The following CPNE1 variants were observed in gnomAD, a reference collection of about 807,000 sequenced individuals.
CPNE1 encodes the protein copine 1, also known as copine-1.
CPNE1 carries 58 observed loss-of-function variants against 63.2 expected under a neutral mutation model. The observed-to-expected ratio is 0.92, with a 90% confidence interval of 0.74 to 1.14. The LOEUF is 1.14. Among genes scored for constraint, CPNE1 ranks in the 50% most tolerant of loss-of-function variants. CPNE1 has a pLI of 0.00. For missense variants in CPNE1, 672 were observed against 661.7 expected (o/e 1.02, Z -0.17); for synonymous variants, 237 against 249.0 (o/e 0.95, Z 0.45).
chr20:35,630,888 A>G lies in CPNE1; in HGVS notation c.995+13T>C, dbSNP rs1293044076. 2 of 1,603,436 alleles carry G rather than the reference A, an allele frequency of 1.2e-6. No individual in the cohort carries two copies. Among genetic ancestry groups the G allele is most frequent in the Non-Finnish European group, 1.7e-6 (2 of 1,174,134 alleles). ...GCAGGGAGCGGGTATAGCCCAGAGA[A>G]GCAGGTACTCACGAGTCATAGTCCT... On this transcript the variant is annotated intron_variant, in intron 11 of 15. Transcript: ENST00000397443.
At chr20:35,653,186 T>C in intron 1 of CPNE1, 1 of 1,613,538 alleles carries the variant, frequency 6.2e-7, no homozygotes, top group Non-Finnish European at 8.5e-7. Flanking sequence ...TTGGCTTCCT[T>C]TGATCCTACA....
intron 1 of CPNE1, among the ~76,000 whole-genome samples, chr20:35,657,941 A>G (rs1196040368): frequency 1.3e-5 from 2 of 152,156 alleles, no homozygotes; most frequent in Non-Finnish European, 2.9e-5. Context: ...AGGTGCCTGT[A>G]ATCCCAGCTA....
At position 35,632,936 on chromosome 20, in the gene CPNE1, GA is replaced by G; in HGVS notation, c.1-14del. 1.2e-6 allele frequency: 1 copy of G among 868,606 alleles called. No individual in the cohort carries two copies. 53.8% of individuals were successfully genotyped at this position (868,606 alleles called of 1,614,324 possible). A position where few individuals can be genotyped will look rare whatever the true frequency, so the allele number is the denominator to read the frequency against. On this transcript the variant is annotated splice_polypyrimidine_tract_variant and intron_variant, in intron 1 of 15. Coordinates refer to ENST00000397443, the MANE Select transcript of CPNE1 (RefSeq NM_152925.3). The stretch of plus-strand genomic sequence containing the variant: ...CGCAGTGGGCCATCTGAGGGAAAAG[GA>G]GCTGGGTCAAGCACCAGGGAGCCTT...
Position 35,646,252 on chromosome 20 carries a change from C to CAAA in CPNE1, c.1-13332_1-13330dup, listed in dbSNP as rs549372063. Among the ~76,000 whole-genome samples, 22 of 58,344 alleles carry CAAA rather than the reference C, an allele frequency of 3.8e-4. 1 individual carries two copies. Among genetic ancestry groups the CAAA allele is most frequent in the Admixed American group, 6.8e-4 (3 of 4,396 alleles). The allele number at this position is 58,344 out of a possible 152,430, so 38.3% of individuals were successfully genotyped here. On this transcript the variant is annotated intron_variant, in intron 1 of 15. Coordinates refer to ENST00000397443, the MANE Select transcript of CPNE1 (RefSeq NM_152925.3). ...CCTGGGCAGCAGAGCAAGACCATCT[C>CAAA]AAAAAAAAAAAAAAAAAAAAAAAAA...
intron 1 of CPNE1, among the ~76,000 whole-genome samples, chr20:35,663,652 C>A (rs967509229): frequency 6.6e-6 from 1 of 152,166 alleles, no homozygotes; most frequent in East Asian, 1.9e-4. Context: ...CATGACACCA[C>A]GCAGATGAGT....
chr20:35,647,196 C>T (rs1163400401), intron 1 of CPNE1: 1 of 151,826 alleles, frequency 6.6e-6, no homozygotes, highest in Non-Finnish European at 1.5e-5. Flanking sequence ...TGCCCATAAT[C>T]CCAGCTACTC....
At chr20:35,636,416 A>G (rs1302063521) in intron 1 of CPNE1, among the ~76,000 whole-genome samples, 1 of 152,246 alleles carries the variant, frequency 6.6e-6, no homozygotes, top group Non-Finnish European at 1.5e-5. Flanking sequence ...TTAAAGGTCT[A>G]TCAACTAAAT....
At chr20:35,636,953 A>G (rs759466895) in intron 1 of CPNE1, among the ~76,000 whole-genome samples, 1 of 152,234 alleles carries the variant, frequency 6.6e-6, no homozygotes, top group Non-Finnish European at 1.5e-5. Flanking sequence ...GGAGTGGAAG[A>G]TAAGAATTTT....
chr20:35,649,868 T>C (rs371378890), intron 1 of CPNE1: 8 of 152,216 alleles, frequency 5.3e-5, no homozygotes, highest in African/African-American at 1.7e-4. Flanking sequence ...ACACATAAAA[T>C]TGAAAATATC....
chr20:35,654,291 C>A, intron 1 of CPNE1: 1 of 1,614,142 alleles, frequency 6.2e-7, no homozygotes, highest in Non-Finnish European at 8.5e-7. Flanking sequence ...CCAATCCATT[C>A]CCATTATTTC....
At chr20:35,629,803 C>T (rs993212039) in intron 13 of CPNE1, among the ~76,000 whole-genome samples, 5 of 151,980 alleles carry the variant, frequency 3.3e-5, no homozygotes, top group African/African-American at 9.7e-5. Flanking sequence ...GAACTACAGG[C>T]GCCTGCCATC....
intron 1 of CPNE1, chr20:35,651,341 A>C (rs2033500313): frequency 6.6e-6 from 1 of 152,064 alleles, no homozygotes; most frequent in African/African-American, 2.4e-5. Flanking sequence ...CAAGAATCTC[A>C]ATTTTCTCCT....
In CPNE1 at chr20:35,639,497, C is replaced by T. The variant is rs575762631; in HGVS notation, c.1-6574G>A. 5.9e-5 allele frequency among the ~76,000 whole-genome samples: 9 copies of T among 152,188 alleles called. No individual in the cohort carries two copies. In the East Asian group the frequency reaches 1.2e-3, roughly 20 times the overall value. On this transcript the variant is annotated intron_variant, in intron 1 of 15. Transcript: ENST00000397443. ...GATTACAGGCACCTGCCATCATGCC[C>T]GGCTAATTTTCATATTTTTGTAGAG... is the stretch of plus-strand genomic sequence containing the variant.
In CPNE1 at chr20:35,653,310, GCCTGCACCGGGAAGT is replaced by G. The variant is rs1390648174; in HGVS notation, c.-1+11435_-1+11449del. On this transcript the variant is annotated intron_variant, in intron 1 of 15. Coordinates refer to ENST00000397443, the MANE Select transcript of CPNE1 (RefSeq NM_152925.3). ...AACCAGGCAGTCCTGTGCTGGGCAG[GCCTGCACCGGGAAGT>G]CCTGCACTGGGCAGTCCCACACCGG... The G allele has an allele frequency of 1.9e-6, 3 of 1,613,584 alleles. No homozygotes were observed. The highest frequency in any genetic ancestry group is 1.1e-5 in the South Asian group (1 of 91,014).
chr20:35,647,473 A>T (rs1301788201), intron 1 of CPNE1: 3 of 152,018 alleles, frequency 2.0e-5, no homozygotes, highest in Non-Finnish European at 4.4e-5. Flanking sequence ...GGGGCTATTG[A>T]CAGAATTCAA....
At chr20:35,633,289 A>AC (rs1389475793) in intron 1 of CPNE1, among the ~76,000 whole-genome samples, 3 of 151,966 alleles carry the variant, frequency 2.0e-5, no homozygotes, top group Non-Finnish European at 4.4e-5. Context: ...AATCTTTCTG[A>AC]CCCCCTTACT....
chr20:35,655,214 C>T (rs1257437580), intron 1 of CPNE1: 2 of 1,614,124 alleles, frequency 1.2e-6, no homozygotes, highest in Admixed American at 1.7e-5. Context: ...AGTTCACCCC[C>T]TACAATATGC....
intron 1 of CPNE1, chr20:35,650,686 T>C (rs2033443351): frequency 2.0e-5 from 3 of 152,564 alleles, no homozygotes; most frequent in African/African-American, 7.2e-5. Flanking sequence ...ATCCTTCTCT[T>C]AAACAAAAAT....
Position 35,652,812 on chromosome 20 carries a change from T to TGGGCCA in CPNE1, c.-1+11942_-1+11947dup, listed in dbSNP as rs569323785. 1.3e-3 allele frequency: 2,069 copies of TGGGCCA among 1,587,804 alleles called. 42 individuals are homozygous for TGGGCCA. The Admixed American group carries it at 0.032, about 24-fold the overall frequency. On this transcript the variant is annotated intron_variant, in intron 1 of 15. Coordinates refer to ENST00000397443, the MANE Select transcript of CPNE1 (RefSeq NM_152925.3). Reference sequence around the variant, plus strand: ...AGCCAGGGGGACCACCAATATGGATTGGGCCAGGGCCGGGGCCGGGGCCGG... The same window carrying TGGGCCA: ...AGCCAGGGGGACCACCAATATGGATTGGGCCAGGGCCAGGGCCGGGGCCGGGGCCGG...
Sources: allele counts gnomAD v4.1 joint callset (sites outside exome capture counted in the v4.1 genomes callset), GRCh38; gene constraint gnomAD v4.1.1; transcripts MANE v1.5; gene names NCBI Gene and HGNC (gene_info 2026-07-23, HGNC 2026-07-21).